The following EIF4B variants were observed in gnomAD, a reference collection of about 807,000 sequenced individuals.
EIF4B encodes the protein eukaryotic translation initiation factor 4B.
EIF4B carries 8 observed loss-of-function variants against 79.3 expected under a neutral mutation model. The ratio of observed to expected loss-of-function variants is 0.10; its 90% confidence interval spans 0.06 to 0.18. The LOEUF is 0.18. Ranked by LOEUF, EIF4B falls within the 10% of genes least tolerant of loss-of-function variation. The probability of loss-of-function intolerance (pLI) is 1.00; values close to 1 mark genes in which losing one functional copy is unlikely to be tolerated. For missense variants in EIF4B, 515 were observed against 792.4 expected (o/e 0.65, Z 4.20); for synonymous variants, 238 against 274.7 (o/e 0.87, Z 1.32).
chr12:53,019,075 T>C, intron 3 of EIF4B, 69 bp downstream of exon 3: 1 of 1,533,006 alleles, frequency 6.5e-7, no homozygotes, highest in Admixed American at 1.9e-5. Context: ...AATTGTGGAA[T>C]GGGCAGTTGC....
intron 2 of EIF4B, among the ~76,000 whole-genome samples, chr12:53,018,564 A>G (rs1943184887): frequency 6.6e-6 from 1 of 152,232 alleles, no homozygotes; most frequent in African/African-American, 2.4e-5. Context: ...AATATTCCAT[A>G]AAGAGTTGTA....
chr12:53,021,453 ATTG>A (rs1943245727), intron 4 of EIF4B, among the ~76,000 whole-genome samples: 1 of 152,216 alleles, frequency 6.6e-6, no homozygotes, highest in Admixed American at 6.5e-5. Context: ...TTGATAAATA[ATTG>A]TTGTGGCACC....
chr12:53,030,702 G>A (rs964179076), intron 8 of EIF4B, among the ~76,000 whole-genome samples: 6 of 151,808 alleles, frequency 4.0e-5, no homozygotes, highest in Non-Finnish European at 8.8e-5. Context: ...GGGCCACTGC[G>A]CCCAGTGAAA....
intron 10 of EIF4B, among the ~76,000 whole-genome samples, 183 bp from the exon 11 acceptor site, chr12:53,037,226 T>C (rs7299504): frequency 0.81 from 122,541 of 152,190 alleles, 51,419 homozygotes; most frequent in Non-Finnish European, 0.93. Context: ...CATTATTTTT[T>C]CTATTTCTCT....
At chr12:53,022,044 TGGAG>T (rs1943253873) in intron 5 of EIF4B, 184 bp downstream of exon 5, 1 of 679,294 alleles carries the variant, frequency 1.5e-6, no homozygotes. Context: ...TTGTCACAAT[TGGAG>T]GGAGTGCTGC....
At chr12:53,023,679 G>C (rs1300638151) in intron 6 of EIF4B, among the ~76,000 whole-genome samples, 1 of 144,574 alleles carries the variant, frequency 6.9e-6, no homozygotes, top group Non-Finnish European at 1.5e-5. Flanking sequence ...CGCCTCCTAG[G>C]TTCAAGCGAT....
chr12:53,031,448 A>G (rs958725330), intron 8 of EIF4B, among the ~76,000 whole-genome samples: 5 of 152,042 alleles, frequency 3.3e-5, no homozygotes, highest in South Asian at 2.1e-4. Context: ...GCTAATTTTG[A>G]TATTTTTTCT....
chr12:53,032,605 C>CT (rs1295784872), intron 8 of EIF4B, among the ~76,000 whole-genome samples: 1 of 151,036 alleles, frequency 6.6e-6, no homozygotes, highest in Non-Finnish European at 1.5e-5. Flanking sequence ...CATTTTTAGT[C>CT]TTTCCTGTGG....
At chr12:53,007,419 CCTTTTTTTTTTTTT>C (rs1942985916) in intron 1 of EIF4B, among the ~76,000 whole-genome samples, 1 of 118,198 alleles carries the variant, frequency 8.5e-6, no homozygotes, top group African/African-American at 3.8e-5. Flanking sequence ...TAGATTTCAG[CCTTTTTTTTTTTTT>C]TTTTTTTTTT....
intron 10 of EIF4B, among the ~76,000 whole-genome samples, chr12:53,036,208 G>A (rs1384554155): frequency 1.3e-5 from 2 of 151,950 alleles, no homozygotes; most frequent in Admixed American, 6.6e-5. Context: ...TGCCTCCCGG[G>A]TTCAAGTGAT....
At chr12:53,014,998 A>G (rs562510007) in intron 1 of EIF4B, 15 of 152,320 alleles carry the variant, frequency 9.8e-5, no homozygotes, top group Admixed American at 8.5e-4. Context: ...CCATTTGGAG[A>G]TTACTAAATA....
intron 3 of EIF4B, among the ~76,000 whole-genome samples, chr12:53,019,450 C>A (rs28555240): frequency 4.5e-5 from 3 of 66,000 alleles, no homozygotes; most frequent in African/African-American, 1.4e-4. Context: ...TTTTTTTTTT[C>A]TTTTTTTTTT....
intron 2 of EIF4B, among the ~76,000 whole-genome samples, chr12:53,017,629 A>G (rs1024441708): frequency 2.6e-5 from 4 of 152,012 alleles, no homozygotes; most frequent in Admixed American, 6.6e-5. Context: ...CAGAGTCTCT[A>G]TTGCCCAGGC....
chr12:53,036,454 T>C (rs1026704753), intron 10 of EIF4B, among the ~76,000 whole-genome samples: 1 of 152,246 alleles, frequency 6.6e-6, no homozygotes, highest in Non-Finnish European at 1.5e-5. Flanking sequence ...TCACCCAGGC[T>C]GGAGTGCAGT....
intron 8 of EIF4B, 81 bp from the exon 9 acceptor site, chr12:53,033,725 A>G (rs972586006): frequency 1.4e-6 from 2 of 1,402,080 alleles, no homozygotes; most frequent in African/African-American, 1.4e-5. Flanking sequence ...ATTTCATAGG[A>G]GTTATATCTG....
intron 4 of EIF4B, chr12:53,021,573 G>A: frequency 1.7e-6 from 1 of 605,480 alleles, no homozygotes; most frequent in East Asian, 2.8e-5. Context: ...GTGAAATTAA[G>A]CTTTGTAAAA....
chr12:53,014,513 C>T (rs995051879), intron 1 of EIF4B: 5 of 151,716 alleles, frequency 3.3e-5, no homozygotes, highest in South Asian at 2.1e-4. Flanking sequence ...TTGAGAGATA[C>T]AGAAAATACC....
intron 8 of EIF4B, among the ~76,000 whole-genome samples, chr12:53,031,572 C>T (rs541376757): frequency 2.0e-5 from 3 of 152,280 alleles, no homozygotes; most frequent in Non-Finnish European, 4.4e-5. Context: ...CCACTGTGCC[C>T]GGCTGCGTTC....
intron 14 of EIF4B, 199 bp downstream of exon 14, chr12:53,039,901 T>G: frequency 1.3e-6 from 1 of 760,184 alleles, no homozygotes; most frequent in Non-Finnish European, 2.1e-6. Flanking sequence ...TTTTCCTGGT[T>G]TCTGTCTTCC....
Sources: allele counts gnomAD v4.1 joint callset (sites outside exome capture counted in the v4.1 genomes callset), GRCh38; gene constraint gnomAD v4.1.1; transcripts MANE v1.5; gene names NCBI Gene and HGNC (gene_info 2026-07-23, HGNC 2026-07-21).